Variants in NFIB observed in about 807,000 individuals in gnomAD.
NFIB encodes nuclear factor 1 B-type.
A neutral mutation model predicts 61.5 loss-of-function variants in NFIB; 11 were observed. The observed-to-expected ratio is 0.18, with a 90% confidence interval of 0.11 to 0.30. NFIB has a LOEUF of 0.30. NFIB is among the 10% of genes least tolerant of loss of function. The probability of loss-of-function intolerance (pLI) is 1.00; values close to 1 mark genes in which losing one functional copy is unlikely to be tolerated. For synonymous variants in NFIB, 260 were observed against 216.5 expected, an observed-to-expected ratio of 1.20 and a Z score of -1.76; for missense variants, 471 against 608.9, an observed-to-expected ratio of 0.77 and a Z score of 2.38.
intron 2 of NFIB, among the ~76,000 whole-genome samples, chr9:14,212,368 C>T (rs1428424429): frequency 1.3e-5 from 2 of 152,164 alleles, no homozygotes; most frequent in Non-Finnish European, 2.9e-5. Flanking sequence ...ATTATATACT[C>T]ATTTAATTAT....
intron 3 of NFIB, among the ~76,000 whole-genome samples, chr9:14,157,234 C>T (rs913831429): frequency 1.3e-5 from 2 of 152,144 alleles, no homozygotes; most frequent in Non-Finnish European, 2.9e-5. Context: ...GCACACTGGC[C>T]TCCAGACAGT....
the NFIB span, among the ~76,000 whole-genome samples, chr9:14,468,466 T>G: frequency 1.3e-5 from 2 of 152,198 alleles, no homozygotes; most frequent in Non-Finnish European, 2.9e-5. Flanking sequence ...GCATTCTTTG[T>G]TAGCTGGTAC....
intron 8 of NFIB, among the ~76,000 whole-genome samples, chr9:14,118,286 C>T (rs2038427085): frequency 6.6e-6 from 1 of 152,072 alleles, no homozygotes; most frequent in South Asian, 2.1e-4. Context: ...AATGTTTCTA[C>T]ATACAGTGTT....
intron 1 of NFIB, among the ~76,000 whole-genome samples, chr9:14,347,968 G>A (rs1296185105): frequency 6.6e-6 from 1 of 152,196 alleles, no homozygotes; most frequent in Non-Finnish European, 1.5e-5. Flanking sequence ...CGCACCACGT[G>A]CGCTCGCGGT....
intron 2 of NFIB, among the ~76,000 whole-genome samples, chr9:14,225,482 A>AAAAAAAAAAAAT (rs2052276720): frequency 1.2e-5 from 1 of 86,352 alleles, no homozygotes; most frequent in Non-Finnish European, 2.2e-5. Flanking sequence ...AAAAAAAAAG[A>AAAAAAAAAAAAT]AGAAGAAGAA....
rs2060401183 is a variant in NFIB, at chr9:14,313,720, G to A, written c.-209C>T. On this transcript the variant is annotated 5_prime_UTR_variant, in exon 1 of 11. Transcript: ENST00000380953. The surrounding 1 kb of genome is among the most constrained non-coding windows in gnomAD (Gnocchi z 4.5). Reference sequence around the variant, plus strand: ...TTCACTCGGCGTGCTAGATTTCCAGGGGTGAAATCCAATCTACACTTTTAA... The same window carrying A: ...TTCACTCGGCGTGCTAGATTTCCAGAGGTGAAATCCAATCTACACTTTTAA... 7.1e-7 allele frequency: 1 copy of A among 1,409,788 alleles called. No homozygotes were observed. Among genetic ancestry groups the A allele is most frequent in the Non-Finnish European group, 9.2e-7 (1 of 1,083,866 alleles). The allele number at this position is 1,409,788 out of a possible 1,614,324, so 87.3% of individuals were successfully genotyped here.
At chr9:14,355,351 A>G (rs146620944) in intron 1 of NFIB, among the ~76,000 whole-genome samples, 1 of 152,264 alleles carries the variant, frequency 6.6e-6, no homozygotes, top group Non-Finnish European at 1.5e-5. Context: ...CTCGGAAGAA[A>G]CCAACCCTGC....
At chr9:14,209,800 C>G (rs773055746) in intron 2 of NFIB, among the ~76,000 whole-genome samples, 3 of 152,120 alleles carry the variant, frequency 2.0e-5, no homozygotes, top group Non-Finnish European at 2.9e-5. Flanking sequence ...AATAGGCTGT[C>G]ACACTGCCTC....
intron 2 of NFIB, among the ~76,000 whole-genome samples, chr9:14,257,831 G>C (rs904014772): frequency 1.3e-5 from 2 of 152,122 alleles, no homozygotes; most frequent in African/African-American, 4.8e-5. Flanking sequence ...TGGTTTCCTT[G>C]TCATTGAATT....
the NFIB span, among the ~76,000 whole-genome samples, chr9:14,486,202 G>T: frequency 6.6e-6 from 1 of 152,158 alleles, no homozygotes; most frequent in African/African-American, 2.4e-5. Context: ...TTGAAAGAAG[G>T]CTTGGAGATT....
At chr9:14,312,372 A>G (rs1031963449) in intron 1 of NFIB, among the ~76,000 whole-genome samples, 2 of 152,264 alleles carry the variant, frequency 1.3e-5, no homozygotes, top group Non-Finnish European at 2.9e-5. Flanking sequence ...ACTTCTTTAT[A>G]TGACTAGTTT....
chr9:14,347,151 TAAA>T (rs3081608), intron 1 of NFIB, among the ~76,000 whole-genome samples: 129 of 142,182 alleles, frequency 9.1e-4, no homozygotes, highest in African/African-American at 1.4e-3. Context: ...GGTGGGATCT[TAAA>T]AAAAAAAAAA....
At position 14,150,283 on chromosome 9, in the gene NFIB, G is replaced by A. The variant is rs1356011768; in HGVS notation, c.686-18C>T. ...TATGGGCGCTGAGGAATAAGACAAA[G>A]AAGCACTGGGAATGACATTCGTATT... On this transcript the variant is annotated intron_variant, in intron 4 of 10. Coordinates refer to ENST00000380953, the MANE Select transcript of NFIB (RefSeq NM_001190737.2). 3.1e-6 allele frequency: 5 copies of A among 1,612,750 alleles called. No homozygotes were observed. In the African/African-American group the frequency reaches 5.3e-5, roughly 17 times the overall value.
rs147519674 is a variant in NFIB at position 14,337,039 on chromosome 9, G to A, written c.109-29519C>T. ...ATGTCATGGGATATTATTCTTCTTTGTTTTTGTTCTTCCAACCATTTCAGA... is the reference window on the plus strand; with the variant it reads ...ATGTCATGGGATATTATTCTTCTTTATTTTTGTTCTTCCAACCATTTCAGA... On this transcript the variant is annotated intron_variant, in intron 1 of 8. Coordinates refer to the NFIB transcript ENST00000380934. Among the ~76,000 whole-genome samples, 57 of 152,176 alleles carry A rather than the reference G, an allele frequency of 3.7e-4. No homozygotes were observed. In the East Asian group the frequency reaches 9.8e-3, roughly 26 times the overall value.
the NFIB span, among the ~76,000 whole-genome samples, chr9:14,411,776 A>G: frequency 1.3e-5 from 2 of 152,144 alleles, no homozygotes; most frequent in Admixed American, 1.3e-4. Flanking sequence ...CCTACACTGT[A>G]TTAAGGCTGG....
intron 2 of NFIB, among the ~76,000 whole-genome samples, chr9:14,186,278 C>G (rs1271313122): frequency 6.6e-6 from 1 of 152,080 alleles, no homozygotes; most frequent in Non-Finnish European, 1.5e-5. Flanking sequence ...CTTGCTAGAA[C>G]TAAACTTAGT....
At chr9:14,322,165 C>T in intron 1 of NFIB, 1 of 1,200,164 alleles carries the variant, frequency 8.3e-7, no homozygotes, top group Non-Finnish European at 1.0e-6. Flanking sequence ...CAGTTCTTGG[C>T]CCGAGAAGAA....
chr9:14,455,550 G>C, the NFIB span, among the ~76,000 whole-genome samples: 4 of 152,204 alleles, frequency 2.6e-5, no homozygotes, highest in African/African-American at 9.6e-5. Context: ...TTGTGGATTA[G>C]GGAAACTCAG....
At chr9:14,165,703 C>A (rs2044708701) in intron 3 of NFIB, among the ~76,000 whole-genome samples, 1 of 152,166 alleles carries the variant, frequency 6.6e-6, no homozygotes, top group South Asian at 2.1e-4. Flanking sequence ...ACCTCCCCAG[C>A]CTCCTCCTCT....
Sources: gnomAD v4.1 joint callset for allele counts (sites outside exome capture counted in the v4.1 genomes callset) on GRCh38, gnomAD v4.1.1 for gene constraint, Gnocchi (gnomAD v3.1) non-coding constraint, MANE v1.5 for transcripts, NCBI Gene and HGNC (gene_info 2026-07-23, HGNC 2026-07-21) for gene names.